Variants in STAG1 observed in about 807,000 individuals in gnomAD.
STAG1 encodes the protein STAG1 cohesin complex component.
In STAG1, 26 loss-of-function variants were observed where a neutral mutation model predicts 170.9. That is an observed-to-expected ratio of 0.15 (90% CI 0.11 to 0.21). The LOEUF is 0.21. Ranked by LOEUF, STAG1 falls within the 10% of genes least tolerant of loss-of-function variation. The probability of loss-of-function intolerance (pLI) is 1.00; values close to 1 mark genes in which losing one functional copy is unlikely to be tolerated. For missense variants in STAG1, 964 were observed against 1,509.5 expected (o/e 0.64, Z 5.99); for synonymous variants, 514 against 497.7 (o/e 1.03, Z -0.44).
At chr3:136,405,522 A>G (rs556404191) in intron 21 of STAG1, among the ~76,000 whole-genome samples, 1 of 151,820 alleles carries the variant, frequency 6.6e-6, no homozygotes, top group South Asian at 2.1e-4. Context: ...GATTATAGAC[A>G]TAGGACACCG....
intron 1 of STAG1, among the ~76,000 whole-genome samples, chr3:136,720,058 C>T (rs923389671): frequency 6.6e-6 from 1 of 151,764 alleles, no homozygotes; most frequent in African/African-American, 2.4e-5. Context: ...TACTTGTAAT[C>T]CCAGCTACTC....
chr3:136,361,793 T>C (rs1936871508), intron 26 of STAG1, among the ~76,000 whole-genome samples: 1 of 152,040 alleles, frequency 6.6e-6, no homozygotes, highest in Non-Finnish European at 1.5e-5. Flanking sequence ...GTTTTTGTTT[T>C]TGGAGACGGG....
intron 15 of STAG1, among the ~76,000 whole-genome samples, chr3:136,441,503 A>G (rs1358646654): frequency 6.6e-6 from 1 of 152,232 alleles, no homozygotes; most frequent in Non-Finnish European, 1.5e-5. Context: ...AAAAGTTTTT[A>G]GTTTAGAAGA....
At chr3:136,635,227 A>C (rs1438230905) in intron 1 of STAG1, among the ~76,000 whole-genome samples, 2 of 152,244 alleles carry the variant, frequency 1.3e-5, no homozygotes, top group African/African-American at 4.8e-5. Flanking sequence ...CAACAGAAAC[A>C]TCAGCAAATC....
intron 5 of STAG1, among the ~76,000 whole-genome samples, chr3:136,555,104 TATATATTATAAATA>T (rs1288309189): frequency 6.8e-6 from 1 of 147,872 alleles, no homozygotes; most frequent in Non-Finnish European, 1.5e-5. Context: ...ATTTATAATA[TATATATTATAAATA>T]TATAAATAAC....
chr3:136,589,677 T>C (rs1938051737), intron 4 of STAG1, among the ~76,000 whole-genome samples: 1 of 123,226 alleles, frequency 8.1e-6, no homozygotes, highest in South Asian at 2.8e-4. Flanking sequence ...ACGCCTGTAA[T>C]CCCAGCACTT....
In STAG1 at chr3:136,752,315, G is replaced by A. The variant is rs1304512997; in HGVS notation, c.-204C>T. The A allele has an allele frequency of 1.3e-5, 2 of 152,898 alleles. No individual in the cohort carries two copies. Among genetic ancestry groups the A allele is most frequent in the Non-Finnish European group, 2.9e-5 (2 of 68,274 alleles). 9.5% of individuals were successfully genotyped at this position (152,898 alleles called of 1,614,324 possible). The stretch of plus-strand genomic sequence containing the variant: ...TGGTCGCCGGGGGTTCGGGAGCGGG[G>A]GCCGCGCCTTCAACGGAGCTGCAAT... On this transcript the variant is annotated 5_prime_UTR_variant, in exon 1 of 34. Coordinates refer to ENST00000383202, the MANE Select transcript of STAG1 (RefSeq NM_005862.3).
At chr3:136,677,185 G>T (rs950047976) in intron 1 of STAG1, among the ~76,000 whole-genome samples, 3 of 152,076 alleles carry the variant, frequency 2.0e-5, no homozygotes, top group Non-Finnish European at 4.4e-5. Flanking sequence ...TTATTATCAA[G>T]TATTATGTAC....
rs1934706656 is a variant in STAG1 at position 136,742,272 on chromosome 3, A to G, written c.-84+9923T>C. Reference sequence around the variant, plus strand: ...TGCAAAACACACTTTCAAGTATAAAAGATACATTAACCAAGATGGACCATA... The same window carrying G: ...TGCAAAACACACTTTCAAGTATAAAGGATACATTAACCAAGATGGACCATA... On this transcript the variant is annotated intron_variant, in intron 1 of 33. Coordinates refer to ENST00000383202, the MANE Select transcript of STAG1 (RefSeq NM_005862.3). Among the ~76,000 whole-genome samples the G allele has an allele frequency of 3.9e-5, 6 of 152,362 alleles. No individual in the cohort carries two copies. In the South Asian group the frequency reaches 1.2e-3, roughly 32 times the overall value.
chr3:136,447,595 C>CTTTTTTTTTTTTTTTTTT (rs1559806771), intron 14 of STAG1, among the ~76,000 whole-genome samples: 1 of 121,414 alleles, frequency 8.2e-6, no homozygotes, highest in Non-Finnish European at 1.6e-5. Context: ...AAAAGCATCA[C>CTTTTTTTTTTTTTTTTTT]ATTTTTTTTT....
intron 16 of STAG1, among the ~76,000 whole-genome samples, chr3:136,432,433 C>A (rs2088330600): frequency 6.7e-6 from 1 of 150,206 alleles, no homozygotes; most frequent in Non-Finnish European, 1.5e-5. Flanking sequence ...TGTTTCTTTG[C>A]ATGGCTGTAG....
intron 22 of STAG1, among the ~76,000 whole-genome samples, chr3:136,384,526 T>C (rs1319672394): frequency 6.6e-6 from 1 of 151,624 alleles, no homozygotes; most frequent in African/African-American, 2.4e-5. Context: ...CTTAGCACTT[T>C]GGGAGGCCAA....
intron 16 of STAG1, among the ~76,000 whole-genome samples, chr3:136,429,135 G>C (rs1185042177): frequency 6.6e-6 from 1 of 151,064 alleles, no homozygotes; most frequent in East Asian, 1.9e-4. Flanking sequence ...GGCTGGGAGA[G>C]GTGGCTCACA....
At chr3:136,716,803 T>C (rs185111139) in intron 1 of STAG1, among the ~76,000 whole-genome samples, 44 of 152,352 alleles carry the variant, frequency 2.9e-4, no homozygotes, top group African/African-American at 1.0e-3. Context: ...AAGTATACCA[T>C]GGTGGTAAAA....
intron 9 of STAG1, among the ~76,000 whole-genome samples, chr3:136,497,706 T>G (rs1050002005): frequency 6.6e-6 from 1 of 150,872 alleles, no homozygotes; most frequent in Non-Finnish European, 1.5e-5. Flanking sequence ...ATACAAAAAA[T>G]TAGCTGGGCG....
intron 4 of STAG1, among the ~76,000 whole-genome samples, chr3:136,589,475 G>C (rs559122501): frequency 6.6e-6 from 1 of 152,128 alleles, no homozygotes; most frequent in South Asian, 2.1e-4. Context: ...CTGCACTCCA[G>C]CCTGGGTGAC....
intron 2 of STAG1, among the ~76,000 whole-genome samples, chr3:136,625,609 G>A (rs564188647): frequency 2.6e-5 from 4 of 152,212 alleles, no homozygotes; most frequent in Non-Finnish European, 5.9e-5. Flanking sequence ...CTATAAACTC[G>A]AATTGATAGA....
At chr3:136,679,211 A>G (rs1420569175) in intron 1 of STAG1, among the ~76,000 whole-genome samples, 1 of 152,166 alleles carries the variant, frequency 6.6e-6, no homozygotes, top group Non-Finnish European at 1.5e-5. Flanking sequence ...CAATTTGGCA[A>G]CATCAAGTGA....
chr3:136,337,417 A>C lies in STAG1; in HGVS notation c.*837T>G, dbSNP rs971565178. On this transcript the variant is annotated 3_prime_UTR_variant, in exon 34 of 34. Transcript: ENST00000383202. ...GAATCATTTTCGTTTTACTGAGAAT[A>C]CTTTATTTGCTGGTAGAAGTTGCTA... 1 of 152,632 alleles carries C rather than the reference A, an allele frequency of 6.6e-6. No individual in the cohort carries two copies. Among genetic ancestry groups the C allele is most frequent in the African/African-American group, 2.4e-5 (1 of 41,452 alleles). 9.5% of individuals were successfully genotyped at this position (152,632 alleles called of 1,614,324 possible). A position where few individuals can be genotyped will look rare whatever the true frequency, so the allele number is the denominator to read the frequency against.
Sources: gnomAD v4.1 joint callset for allele counts (sites outside exome capture counted in the v4.1 genomes callset) on GRCh38, gnomAD v4.1.1 for gene constraint, MANE v1.5 for transcripts, NCBI Gene and HGNC (gene_info 2026-07-23, HGNC 2026-07-21) for gene names.